Variants in MCF2L observed in about 807,000 individuals in gnomAD.
MCF2L encodes guanine nucleotide exchange factor DBS.
A neutral mutation model predicts 153.4 loss-of-function variants in MCF2L; 97 were observed. The ratio of observed to expected loss-of-function variants is 0.63; its 90% CI spans 0.54 to 0.75. The LOEUF is 0.75. Ranked by LOEUF, MCF2L falls within the 30% of genes least tolerant of loss-of-function variation. The pLI, the probability that MCF2L is intolerant of heterozygous loss-of-function variation, is 0.00. For synonymous variants in MCF2L, 659 were observed against 632.2 expected, an observed-to-expected ratio of 1.04 and a Z score of -0.64; for missense variants, 1,347 against 1,495.2, an observed-to-expected ratio of 0.90 and a Z score of 1.64.
At chr13:112,958,712 G>A (rs1445565735) in intron 2 of MCF2L, among the ~76,000 whole-genome samples, 5 of 152,138 alleles carry the variant, frequency 3.3e-5, no homozygotes, top group Admixed American at 3.3e-4. Context: ...CATTACCCCT[G>A]GGGCCTCTCC....
In MCF2L at chr13:113,099,215, C is replaced by CAGCAAAGTTGGCAGTCGGCAG. The variant is rs1566900106; in HGVS notation, c.*2357_*2358insGCAAAGTTGGCAGTCGGCAGA. The CAGCAAAGTTGGCAGTCGGCAG allele has an allele frequency of 3.0e-4, 46 of 152,134 alleles. No individual in the cohort carries two copies. Among genetic ancestry groups the CAGCAAAGTTGGCAGTCGGCAG allele is most frequent in the African/African-American group, 1.1e-3 (45 of 41,500 alleles). 9.4% of individuals were successfully genotyped at this position (152,134 alleles called of 1,614,324 possible). ...AAGCCACTGACTATAAAGCTCAAAA[C>CAGCAAAGTTGGCAGTCGGCAG]ACAGCAAAGTTGGCAGTCGGCAGAC... On this transcript the variant is annotated 3_prime_UTR_variant, in exon 30 of 30. Coordinates refer to ENST00000535094, the MANE Select transcript of MCF2L (RefSeq NM_001112732.3).
intron 2 of MCF2L, among the ~76,000 whole-genome samples, chr13:112,915,840 T>G (rs1255304180): frequency 6.6e-6 from 1 of 152,144 alleles, no homozygotes; most frequent in Non-Finnish European, 1.5e-5. Context: ...TATTCAATAT[T>G]ATACTGGCCT....
chr13:112,962,768 C>A (rs373399538), intron 2 of MCF2L, among the ~76,000 whole-genome samples: 1 of 152,146 alleles, frequency 6.6e-6, no homozygotes, highest in Non-Finnish European at 1.5e-5. Flanking sequence ...AGGAAGGAGC[C>A]CCCCGTGTGC....
In MCF2L at chr13:112,969,765, G is replaced by A. The variant is rs1177481252; in HGVS notation, c.79+307G>A. ...ATCAACCTGCCTGTCCGCAGCCCTC[G>A]CAATGGAGAATGCATTGCGAATGGA... On this transcript the variant is annotated intron_variant, in intron 1 of 29. Coordinates refer to ENST00000535094, the MANE Select transcript of MCF2L (RefSeq NM_001112732.3). The surrounding 1 kb of genome is among the most constrained non-coding windows in gnomAD (Gnocchi z 4.8). Among the ~76,000 whole-genome samples, 1 of 152,152 alleles carries A rather than the reference G, an allele frequency of 6.6e-6. No individual in the cohort carries two copies. Among genetic ancestry groups the A allele is most frequent in the Admixed American group, 6.5e-5 (1 of 15,272 alleles).
intron 7 of MCF2L, 56 bp downstream of exon 7, chr13:113,065,141 T>C (rs750949008): frequency 1.9e-6 from 3 of 1,576,048 alleles, no homozygotes; most frequent in Non-Finnish European, 2.6e-6. Context: ...AGTCAGAAGC[T>C]GCGCGGGGCT....
chr13:112,985,771 G>A (rs937064789), intron 1 of MCF2L, among the ~76,000 whole-genome samples: 4 of 152,216 alleles, frequency 2.6e-5, no homozygotes, highest in African/African-American at 7.2e-5. Flanking sequence ...ACAGCTGGGG[G>A]CTCAGCCTGC....
intron 16 of MCF2L, among the ~76,000 whole-genome samples, chr13:113,081,715 A>G (rs927665123): frequency 7.2e-5 from 11 of 152,224 alleles, no homozygotes; most frequent in African/African-American, 2.7e-4. Context: ...GAGTATAGAC[A>G]GGCATCTCAT....
Position 113,064,449 on chromosome 13 carries a change from G to GCCC in MCF2L, c.606+30_606+31insCCC. ...AGCCGCGTCGGGGCCAGCGGGGCTG[G>GCCC]CTGATACCAGCTCGAGTACTTCCAC... On this transcript the variant is annotated intron_variant, in intron 6 of 29. Transcript: ENST00000535094. The surrounding 1 kb of genome is among the most constrained non-coding windows in gnomAD (Gnocchi z 6.0). 7.1e-7 allele frequency: 1 copy of GCCC among 1,405,714 alleles called. No homozygotes were observed. 87.1% of individuals were successfully genotyped at this position (1,405,714 alleles called of 1,614,324 possible).
At chr13:113,075,697 T>A (rs2033396252) in intron 11 of MCF2L, among the ~76,000 whole-genome samples, 1 of 152,246 alleles carries the variant, frequency 6.6e-6, no homozygotes, top group Admixed American at 6.5e-5. Flanking sequence ...GCACTTACCC[T>A]GCCTCTCCAG....
At chr13:112,929,317 G>A (rs1321454788) in intron 2 of MCF2L, among the ~76,000 whole-genome samples, 3 of 152,142 alleles carry the variant, frequency 2.0e-5, no homozygotes, top group Non-Finnish European at 4.4e-5. Flanking sequence ...CTCTTTCCCC[G>A]ATTCCTGCGC....
chr13:113,032,582 G>A (rs1196821110), intron 3 of MCF2L, among the ~76,000 whole-genome samples: 1 of 151,848 alleles, frequency 6.6e-6, no homozygotes, highest in South Asian at 2.1e-4. Context: ...TTTTTTTCAT[G>A]TTTTGAGACA....
chr13:113,019,861 G>A (rs1046773019), intron 2 of MCF2L, among the ~76,000 whole-genome samples: 8 of 152,162 alleles, frequency 5.3e-5, no homozygotes, highest in Admixed American at 2.0e-4. Context: ...TGGGGAAGCC[G>A]CCGTCACCAG....
At chr13:113,009,266 G>T (rs1446864826) in intron 1 of MCF2L, 3 of 152,338 alleles carry the variant, frequency 2.0e-5, no homozygotes, top group Non-Finnish European at 2.9e-5. Flanking sequence ...ATCTTTTCTG[G>T]CAGGGCCTTG....
rs779374828 is a variant in MCF2L at position 113,078,685 on chromosome 13, G to T, written c.1754G>T (p.Arg585Leu). 3 of 1,611,742 alleles carry T rather than the reference G, an allele frequency of 1.9e-6. No individual in the cohort carries two copies. The highest frequency in any genetic ancestry group is 2.7e-5 in the African/African-American group (2 of 74,938). The change falls in exon 15 of 30, where the codon CGG becomes CTG. Residue 585 changes from arginine (R) to leucine (L), a missense_variant. By Grantham distance (102) the Arg-to-Leu change is moderately radical (BLOSUM62 -2). Coordinates refer to ENST00000535094, the MANE Select transcript of MCF2L (RefSeq NM_001112732.3). ...RRAKSEMSES[R>L]QGRGSAGEEE... ...CCCCAGAGTGAGATGAGTGAGAGCC[G>T]GCAGGGCCGCGGCTCAGCGGGGGAG...
chr13:113,051,033 G>A (rs193247912), intron 4 of MCF2L, among the ~76,000 whole-genome samples: 25 of 152,244 alleles, frequency 1.6e-4, no homozygotes, highest in African/African-American at 6.0e-4. Flanking sequence ...CGGGGGTGGG[G>A]GACCCAGCTC....
chr13:112,994,655 G>C (rs1307742769), intron 1 of MCF2L, among the ~76,000 whole-genome samples: 1 of 152,260 alleles, frequency 6.6e-6, no homozygotes, highest in African/African-American at 2.4e-5. Flanking sequence ...CTGCGGTGAG[G>C]CCGCGCGATG....
chr13:112,997,307 G>A (rs1036427773), intron 1 of MCF2L, among the ~76,000 whole-genome samples: 2 of 152,208 alleles, frequency 1.3e-5, no homozygotes, highest in African/African-American at 4.8e-5. Flanking sequence ...CGATGGGGTT[G>A]CTGCTGACGC....
At chr13:112,974,270 G>T (rs2082144693) in intron 1 of MCF2L, among the ~76,000 whole-genome samples, 1 of 152,136 alleles carries the variant, frequency 6.6e-6, no homozygotes, top group South Asian at 2.1e-4. Flanking sequence ...CCCGGGCATG[G>T]CTAACCTCTG....
chr13:112,969,572 T>C lies in MCF2L; in HGVS notation c.79+114T>C. Reference sequence around the variant, plus strand: ...CCGCCCTCGTGTTCCTTTCTAGCCGTGGTAGCTGTGACATGGGGGGCACTG... The same window carrying C: ...CCGCCCTCGTGTTCCTTTCTAGCCGCGGTAGCTGTGACATGGGGGGCACTG... On this transcript the variant is annotated intron_variant, in intron 1 of 29. Coordinates refer to ENST00000535094, the MANE Select transcript of MCF2L (RefSeq NM_001112732.3). The surrounding 1 kb of genome is among the most constrained non-coding windows in gnomAD (Gnocchi z 4.8). 6.7e-7 allele frequency: 1 copy of C among 1,500,032 alleles called. No individual in the cohort carries two copies. Among genetic ancestry groups the C allele is most frequent in the Non-Finnish European group, 9.0e-7 (1 of 1,115,068 alleles). 92.9% of individuals were successfully genotyped at this position (1,500,032 alleles called of 1,614,324 possible). A position where few individuals can be genotyped will look rare whatever the true frequency, so the allele number is the denominator to read the frequency against.
Sources: allele counts gnomAD v4.1 joint callset (sites outside exome capture counted in the v4.1 genomes callset), GRCh38; gene constraint gnomAD v4.1.1; non-coding constraint Gnocchi (gnomAD v3.1); transcripts MANE v1.5; gene names NCBI Gene and HGNC (gene_info 2026-07-23, HGNC 2026-07-21).